The following FGD4 variants were observed in gnomAD, a reference collection of about 807,000 sequenced individuals.
FGD4 encodes FYVE, RhoGEF and PH domain-containing protein 4.
In FGD4, 42 loss-of-function variants were observed where a neutral mutation model predicts 102.0. That is an observed-to-expected ratio of 0.41 (90% CI 0.32 to 0.53). The LOEUF (loss-of-function observed/expected upper bound fraction) is 0.53. Among genes scored for constraint, FGD4 ranks in the 20% least tolerant of loss-of-function variants. The pLI, the probability that FGD4 is intolerant of heterozygous loss-of-function variation, is 0.21. For missense variants in FGD4, 902 were observed against 1,078.2 expected (o/e 0.84, Z 2.29); for synonymous variants, 380 against 375.7 (o/e 1.01, Z -0.13).
At chr12:32,518,386 G>A (rs1042273420) in intron 1 of FGD4, among the ~76,000 whole-genome samples, 21 of 152,188 alleles carry the variant, frequency 1.4e-4, no homozygotes, top group Non-Finnish European at 2.2e-4. Flanking sequence ...GCTGAGGCAG[G>A]ACAATCGCTT....
At chr12:32,576,524 A>G (rs1471029928) in intron 3 of FGD4, 75 bp downstream of exon 3, 1 of 1,493,798 alleles carries the variant, frequency 6.7e-7, no homozygotes, top group Non-Finnish European at 9.3e-7. Context: ...AGTCATAGAT[A>G]CATTCTAAAT....
At position 32,544,888 on chromosome 12, in the gene FGD4, C is replaced by A. The variant is rs1207230700; in HGVS notation, c.167-19249C>A. Among the ~76,000 whole-genome samples, 1 of 152,310 alleles carries A rather than the reference C, an allele frequency of 6.6e-6. No individual in the cohort carries two copies. The highest frequency in any genetic ancestry group is 2.1e-4 in the South Asian group (1 of 4,832). ...AACACTAAGCATGGTGACTCTCAAC[C>A]ATGACTGCACAGTGGGATTGCCTGG... is the stretch of plus-strand genomic sequence containing the variant. On this transcript the variant is annotated intron_variant, in intron 1 of 16. Transcript: ENST00000534526. The surrounding 1 kb of genome is among the most constrained non-coding windows in gnomAD (Gnocchi z 4.1).
chr12:32,565,884 A>G (rs1945148488), intron 2 of FGD4, among the ~76,000 whole-genome samples: 1 of 152,228 alleles, frequency 6.6e-6, no homozygotes. Context: ...GGAGTACTTT[A>G]TACTTCTTTT....
chr12:32,580,760 G>A (rs953239980), intron 3 of FGD4, among the ~76,000 whole-genome samples: 28 of 152,028 alleles, frequency 1.8e-4, no homozygotes, highest in African/African-American at 4.8e-4. Context: ...GGTGGCGGGC[G>A]CCTGTAGTCC....
At chr12:32,421,356 CT>C (rs1157710944) in intron 1 of FGD4, among the ~76,000 whole-genome samples, 30 of 152,170 alleles carry the variant, frequency 2.0e-4, no homozygotes, top group Non-Finnish European at 3.8e-4. Flanking sequence ...TTTTTGTTCT[CT>C]TTGAGTATTC....
At chr12:32,587,151 T>C (rs1355484218) in intron 4 of FGD4, among the ~76,000 whole-genome samples, 3 of 142,296 alleles carry the variant, frequency 2.1e-5, no homozygotes, top group Non-Finnish European at 4.5e-5. Context: ...GGTCGCACCA[T>C]TGCACTCCAG....
chr12:32,609,053 G>A (rs1181835627), intron 8 of FGD4, among the ~76,000 whole-genome samples: 2 of 152,064 alleles, frequency 1.3e-5, no homozygotes, highest in South Asian at 2.1e-4. Flanking sequence ...TAGTAGAGAC[G>A]GGTTTTCACC....
chr12:32,562,436 A>T (rs535946330), intron 1 of FGD4, among the ~76,000 whole-genome samples: 1 of 152,064 alleles, frequency 6.6e-6, no homozygotes, highest in Non-Finnish European at 1.5e-5. Context: ...TTTTTTATTG[A>T]TCATTCTTGG....
chr12:32,535,198 TG>T (rs1268879690), intron 1 of FGD4, among the ~76,000 whole-genome samples: 2 of 152,208 alleles, frequency 1.3e-5, no homozygotes, highest in Admixed American at 6.5e-5. Flanking sequence ...ATCACTGAAA[TG>T]GGTTCATTTT....
intron 1 of FGD4, among the ~76,000 whole-genome samples, chr12:32,429,464 C>T (rs1941971669): frequency 6.6e-6 from 1 of 152,226 alleles, no homozygotes; most frequent in Non-Finnish European, 1.5e-5. Context: ...TGTCTGTTGA[C>T]CCCTGCTGGG....
At chr12:32,618,623 G>T (rs1385730885) in intron 10 of FGD4, among the ~76,000 whole-genome samples, 1 of 152,122 alleles carries the variant, frequency 6.6e-6, no homozygotes, top group Non-Finnish European at 1.5e-5. Flanking sequence ...TTTGAGACCA[G>T]GAGTTAAAGA....
intron 1 of FGD4, chr12:32,534,265 GGCATGTTTT>G: frequency 7.7e-7 from 1 of 1,291,170 alleles, no homozygotes; most frequent in Non-Finnish European, 9.9e-7. Context: ...GGGGAGGTGT[GGCATGTTTT>G]GCATAAGGTC....
chr12:32,554,231 T>A (rs932805338), intron 1 of FGD4, among the ~76,000 whole-genome samples: 18 of 152,252 alleles, frequency 1.2e-4, no homozygotes, highest in African/African-American at 4.3e-4. Flanking sequence ...TGTGAAAAAA[T>A]TATTTGGGTA....
intron 1 of FGD4, among the ~76,000 whole-genome samples, chr12:32,518,827 AAC>A (rs1940181414): frequency 6.6e-6 from 1 of 151,354 alleles, no homozygotes; most frequent in African/African-American, 2.4e-5. Context: ...AGAAAAAAAA[AAC>A]AAGGGCCAGG....
At chr12:32,515,978 A>G (rs1939840833) in intron 1 of FGD4, among the ~76,000 whole-genome samples, 1 of 152,224 alleles carries the variant, frequency 6.6e-6, no homozygotes, top group Non-Finnish European at 1.5e-5. Flanking sequence ...AATTGAACCC[A>G]GTCTTCAACC....
chr12:32,502,357 A>G, intron 1 of FGD4: 1 of 985,162 alleles, frequency 1.0e-6, no homozygotes, highest in African/African-American at 1.7e-5. Context: ...CCCTAGTAAT[A>G]TGTATCCAGT....
At chr12:32,537,548 A>G (rs4931633) in intron 1 of FGD4, among the ~76,000 whole-genome samples, 1 of 152,092 alleles carries the variant, frequency 6.6e-6, no homozygotes, top group South Asian at 2.1e-4. Flanking sequence ...TGTTCTTTCA[A>G]TGATGTGCAA....
At chr12:32,606,463 ATT>A (rs11406211) in intron 7 of FGD4, among the ~76,000 whole-genome samples, 3 of 143,664 alleles carry the variant, frequency 2.1e-5, no homozygotes, top group Non-Finnish European at 1.5e-5. Context: ...TCCTCTACTT[ATT>A]TTTTTTTTTT....
chr12:32,617,017 T>A (rs1160191271), intron 10 of FGD4, among the ~76,000 whole-genome samples: 1 of 152,156 alleles, frequency 6.6e-6, no homozygotes, highest in Admixed American at 6.5e-5. Flanking sequence ...ATCCACCTCA[T>A]GGCCTCAAGC....
Sources: gnomAD v4.1 joint callset for allele counts (sites outside exome capture counted in the v4.1 genomes callset) on GRCh38, gnomAD v4.1.1 for gene constraint, Gnocchi (gnomAD v3.1) non-coding constraint, MANE v1.5 for transcripts, NCBI Gene and HGNC (gene_info 2026-07-23, HGNC 2026-07-21) for gene names.